MAPK8: variants seen among roughly 807,000 people sequenced by gnomAD.
MAPK8 encodes the protein JUN N-terminal kinase.
In MAPK8, 13 loss-of-function variants were observed where a neutral mutation model predicts 52.9. The observed-to-expected ratio is 0.25, with a 90% CI of 0.16 to 0.39. The LOEUF (loss-of-function observed/expected upper bound fraction) is 0.39. Ranked by LOEUF, MAPK8 falls within the 10% of genes least tolerant of loss-of-function variation. MAPK8 has a pLI of 1.00. For synonymous variants in MAPK8, 191 were observed against 169.8 expected (o/e 1.12, Z -0.97); for missense variants, 300 against 519.2 (o/e 0.58, Z 4.10).
chr10:48,328,449 G>C, intron 1 of MAPK8, among the ~76,000 whole-genome samples: 1 of 152,084 alleles, frequency 6.6e-6, no homozygotes, highest in East Asian at 1.9e-4. Flanking sequence ...GGTGGCTGCT[G>C]TGTCCATTTT....
At position 48,371,206 on chromosome 10, in the gene MAPK8, TG is replaced by T. The variant is rs578149163; in HGVS notation, c.-49-30405del. Among the ~76,000 whole-genome samples the T allele has an allele frequency of 1.5e-3, 234 of 152,322 alleles. 1 individual carries two copies. The highest frequency in any genetic ancestry group is 5.4e-3 in the African/African-American group (225 of 41,588). The stretch of plus-strand genomic sequence containing the variant: ...TGATATTTTTAAAATAACTTTAATT[TG>T]CTTTTTTATTAAAAAAATTATTAGC... On this transcript the variant is annotated intron_variant, in intron 1 of 11. Transcript: ENST00000374189.
At chr10:48,323,849 C>G (rs995065954) in intron 1 of MAPK8, among the ~76,000 whole-genome samples, 1 of 152,144 alleles carries the variant, frequency 6.6e-6, no homozygotes, top group Non-Finnish European at 1.5e-5. Context: ...ATGATGCCCT[C>G]TCTTTTTTGG....
intron 7 of MAPK8, chr10:48,425,590 A>G (rs1413385256): frequency 1.2e-5 from 4 of 330,326 alleles, no homozygotes; most frequent in Admixed American, 4.4e-5. Flanking sequence ...TATGGATAGT[A>G]ATTGTCATTA....
chr10:48,403,377 G>C (rs779693636), intron 2 of MAPK8, among the ~76,000 whole-genome samples: 3 of 151,772 alleles, frequency 2.0e-5, no homozygotes, highest in Non-Finnish European at 4.4e-5. Flanking sequence ...AGAATAGCTT[G>C]AACCCGGGAG....
chr10:48,393,163 C>T (rs1050082534), intron 1 of MAPK8, among the ~76,000 whole-genome samples: 1 of 152,058 alleles, frequency 6.6e-6, no homozygotes, highest in Non-Finnish European at 1.5e-5. Flanking sequence ...AATAACTTGT[C>T]TCTCATTGCT....
At chr10:48,393,316 T>TTCTC (rs1364925404) in intron 1 of MAPK8, among the ~76,000 whole-genome samples, 2 of 152,176 alleles carry the variant, frequency 1.3e-5, no homozygotes, top group African/African-American at 4.8e-5. Context: ...GACTTACAAC[T>TTCTC]TCTCTTCCTC....
In MAPK8 at chr10:48,316,818, C is replaced by T. The variant is rs866348018; in HGVS notation, c.-50+9997C>T. ...TTATTTTCTGTCTCTTCTTCCCTTC[C>T]CCTGCTCCCACCAAAAAGCTAAGGC... On this transcript the variant is annotated intron_variant, in intron 1 of 11. Transcript: ENST00000374189. Among the ~76,000 whole-genome samples the T allele has an allele frequency of 2.0e-5, 3 of 152,090 alleles. No homozygotes were observed. In the East Asian group the frequency reaches 5.8e-4, roughly 29 times the overall value.
At chr10:48,386,534 A>G (rs2041321319) in intron 1 of MAPK8, among the ~76,000 whole-genome samples, 1 of 152,188 alleles carries the variant, frequency 6.6e-6, no homozygotes, top group Admixed American at 6.5e-5. Flanking sequence ...CCAGAAGCCA[A>G]CTTTGGAATA....
chr10:48,351,881 C>T (rs952273773), intron 1 of MAPK8, among the ~76,000 whole-genome samples: 10 of 152,074 alleles, frequency 6.6e-5, no homozygotes, highest in African/African-American at 2.2e-4. Context: ...AAAAATGCTC[C>T]AGTGAGCATT....
chr10:48,349,780 C>G (rs1846127356), intron 1 of MAPK8, among the ~76,000 whole-genome samples: 1 of 152,094 alleles, frequency 6.6e-6, no homozygotes, highest in Non-Finnish European at 1.5e-5. Flanking sequence ...CAGAGCAGAA[C>G]TGAAGGAGAT....
At chr10:48,346,265 G>A (rs1845761489) in intron 1 of MAPK8, among the ~76,000 whole-genome samples, 1 of 152,204 alleles carries the variant, frequency 6.6e-6, no homozygotes, top group Non-Finnish European at 1.5e-5. Context: ...TCATTAGTTT[G>A]TAGCAATTAC....
rs189523001 is a variant in MAPK8, at chr10:48,308,104, C to G, written c.-50+1283C>G. ...ATTTTATTTTTTCCAGTCTTGCAGC[C>G]TTACAGTCATTTGTAATGGTTACCT... is the stretch of plus-strand genomic sequence containing the variant. On this transcript the variant is annotated intron_variant, in intron 1 of 11. Coordinates refer to ENST00000374189, the MANE Select transcript of MAPK8 (RefSeq NM_001323329.2). 2.6e-5 allele frequency: 4 copies of G among 152,258 alleles called. No individual in the cohort carries two copies. In the East Asian group the frequency reaches 5.8e-4, roughly 22 times the overall value. 9.4% of individuals were successfully genotyped at this position (152,258 alleles called of 1,614,324 possible).
intron 3 of MAPK8, among the ~76,000 whole-genome samples, chr10:48,408,157 C>T (rs777228766): frequency 2.0e-5 from 3 of 152,142 alleles, no homozygotes; most frequent in East Asian, 1.9e-4. Flanking sequence ...CAAGTATCAT[C>T]GTCAGCAAAC....
intron 3 of MAPK8, among the ~76,000 whole-genome samples, chr10:48,406,010 G>A (rs752405490): frequency 6.6e-5 from 10 of 152,182 alleles, no homozygotes; most frequent in African/African-American, 1.7e-4. Flanking sequence ...AGCAGTGGCC[G>A]TTTGTCAAAT....
intron 1 of MAPK8, among the ~76,000 whole-genome samples, chr10:48,349,783 A>C (rs1187426136): frequency 6.6e-6 from 1 of 152,222 alleles, no homozygotes; most frequent in African/African-American, 2.4e-5. Flanking sequence ...AGCAGAACTG[A>C]AGGAGATACA....
At chr10:48,415,002 A>G (rs1251281514) in intron 5 of MAPK8, among the ~76,000 whole-genome samples, 1 of 152,140 alleles carries the variant, frequency 6.6e-6, no homozygotes, top group Non-Finnish European at 1.5e-5. Flanking sequence ...GTATAAGACA[A>G]TTATGTCTTA....
chr10:48,403,774 A>T (rs1027734461), intron 2 of MAPK8, among the ~76,000 whole-genome samples: 1 of 151,490 alleles, frequency 6.6e-6, no homozygotes. Context: ...TTTGAGACAG[A>T]GTCTCACTCT....
intron 1 of MAPK8, among the ~76,000 whole-genome samples, chr10:48,384,757 C>T (rs937683751): frequency 6.6e-6 from 1 of 152,192 alleles, no homozygotes; most frequent in Non-Finnish European, 1.5e-5. Context: ...ATTGGAAGAA[C>T]ATGAGAGTTT....
intron 1 of MAPK8, among the ~76,000 whole-genome samples, chr10:48,337,750 A>G (rs1919707): frequency 0.83 from 126,325 of 152,142 alleles, 52,960 homozygotes; most frequent in African/African-American, 0.96. Flanking sequence ...AATAAGCACA[A>G]AAATGGCAAA....
Sources: gnomAD v4.1 joint callset for allele counts (sites outside exome capture counted in the v4.1 genomes callset) on GRCh38, gnomAD v4.1.1 for gene constraint, MANE v1.5 for transcripts, NCBI Gene and HGNC (gene_info 2026-07-23, HGNC 2026-07-21) for gene names.